EIF4B: variants seen among roughly 807,000 people sequenced by gnomAD.
EIF4B encodes the protein eukaryotic translation initiation factor 4B.
In EIF4B, 8 loss-of-function variants were observed where a neutral mutation model predicts 79.3. That is an observed-to-expected ratio of 0.10 (90% CI 0.06 to 0.18). The LOEUF is 0.18. Among genes scored for constraint, EIF4B ranks in the 10% least tolerant of loss-of-function variants. The pLI is 1.00. For synonymous variants in EIF4B, 238 were observed against 274.7 expected (o/e 0.87, Z 1.32); for missense variants, 515 against 792.4 (o/e 0.65, Z 4.20).
intron 6 of EIF4B, chr12:53,025,302 C>T (rs1943315723): frequency 1.1e-5 from 5 of 452,380 alleles, no homozygotes; most frequent in South Asian, 7.8e-5. Context: ...CATGACTTTT[C>T]TCACCTGAAA....
At chr12:53,007,520 T>G (rs1365638305) in intron 1 of EIF4B, among the ~76,000 whole-genome samples, 1 of 151,738 alleles carries the variant, frequency 6.6e-6, no homozygotes, top group Non-Finnish European at 1.5e-5. Flanking sequence ...GCTTACTTCT[T>G]TAGACAACCT....
intron 3 of EIF4B, among the ~76,000 whole-genome samples, chr12:53,019,439 T>TTTTTTTTG (rs1565586214): frequency 1.0e-5 from 1 of 97,952 alleles, no homozygotes; most frequent in Non-Finnish European, 1.7e-5. Context: ...ATATATATAT[T>TTTTTTTTG]TTTTTTTTTT....
intron 10 of EIF4B, among the ~76,000 whole-genome samples, chr12:53,035,898 A>C (rs1431080269): frequency 2.0e-5 from 3 of 151,100 alleles, no homozygotes; most frequent in Non-Finnish European, 4.4e-5. Context: ...GCTCACTGCA[A>C]CCTCTGACTC....
rs781714218 is a variant in EIF4B at position 53,027,834 on chromosome 12, G to T, written c.720G>T (p.Gly240=). 3 of 1,612,478 alleles carry T rather than the reference G, an allele frequency of 1.9e-6. No homozygotes were observed. The highest frequency in any genetic ancestry group is 2.5e-6 in the Non-Finnish European group (3 of 1,179,006). Residue 240 remains glycine, a synonymous_variant, in exon 7 of 15, where the codon GGG becomes GGT. Transcript: ENST00000262056. ...GGTATCGGGATGGGTATCGGGATGG[G>T]TATCGGGATGGCCCACGCCGGGATA... The part of the protein sequence containing the change: ...SDRYRDGYRD[G]YRDGPRRDMD...
intron 12 of EIF4B, chr12:53,038,816 C>CAA (rs58565330): frequency 4.4e-5 from 7 of 157,792 alleles, no homozygotes; most frequent in South Asian, 1.9e-4. Context: ...GACTCTGTCT[C>CAA]AAAAAAAAAA....
At chr12:53,031,744 A>G (rs532402104) in intron 8 of EIF4B, among the ~76,000 whole-genome samples, 1 of 152,338 alleles carries the variant, frequency 6.6e-6, no homozygotes, top group East Asian at 1.9e-4. Flanking sequence ...AGTACCCTCT[A>G]TCTACAGGTA....
In EIF4B at chr12:53,021,736, G is replaced by A. The variant is rs569049587; in HGVS notation, c.478-70G>A. On this transcript the variant is annotated intron_variant, in intron 4 of 14. Transcript: ENST00000262056. ...CCTAGTGCTTCTGCTATGCCCAGACGTTCAAGGTCACTCAAGGGATTTGTG... is the reference window on the plus strand; with the variant it reads ...CCTAGTGCTTCTGCTATGCCCAGACATTCAAGGTCACTCAAGGGATTTGTG... 1.2e-5 allele frequency: 19 copies of A among 1,574,474 alleles called. 1 individual carries two copies. Among genetic ancestry groups the A allele is most frequent in the South Asian group, 1.0e-4 (9 of 90,260 alleles).
At chr12:53,038,304 T>C (rs7968918) in intron 11 of EIF4B, 52 bp from the exon 12 acceptor site, 1,355,416 of 1,509,054 alleles carry the variant, frequency 0.9, 614,617 homozygotes, top group Non-Finnish European at 0.93. Flanking sequence ...TGTTTCTTGG[T>C]TGTTTTCTCC....
At chr12:53,029,579 T>C (rs780728049) in intron 8 of EIF4B, among the ~76,000 whole-genome samples, 3 of 152,126 alleles carry the variant, frequency 2.0e-5, no homozygotes, top group Non-Finnish European at 4.4e-5. Flanking sequence ...TTTCACCATG[T>C]TGGCCAGGCT....
chr12:53,034,542 G>C (rs1943504175), intron 9 of EIF4B, 70 bp from the exon 10 acceptor site: 1 of 1,412,238 alleles, frequency 7.1e-7, no homozygotes, highest in Non-Finnish European at 1.0e-6. Context: ...GTTCTTGAGG[G>C]GTCAGCATGG....
At chr12:53,034,954 CTCTTTTT>C (rs1166269821) in intron 10 of EIF4B, among the ~76,000 whole-genome samples, 1 of 104,348 alleles carries the variant, frequency 9.6e-6, no homozygotes, top group Non-Finnish European at 2.0e-5. Flanking sequence ...GTTTGTCTCT[CTCTTTTT>C]TTTTTTTTTT....
intron 10 of EIF4B, among the ~76,000 whole-genome samples, chr12:53,035,987 T>TTTTGTATTTTTAATAGAGACGCAGA (rs141046894): frequency 0.81 from 121,407 of 150,742 alleles, 50,999 homozygotes; most frequent in Non-Finnish European, 0.93. Context: ...CCGACTAATT[T>TTTTGTATTTTTAATAGAGACGCAGA]TTTGAACGGG....
intron 3 of EIF4B, among the ~76,000 whole-genome samples, chr12:53,019,444 TTTTTTC>T (rs1943207609): frequency 9.8e-6 from 1 of 102,032 alleles, no homozygotes; most frequent in Non-Finnish European, 1.9e-5. Flanking sequence ...TATATTTTTT[TTTTTTC>T]TTTTTTTTTT....
chr12:53,040,063 A>G, intron 14 of EIF4B, 80 bp from the exon 15 acceptor site: 4 of 1,523,114 alleles, frequency 2.6e-6, no homozygotes, highest in South Asian at 2.3e-5. Flanking sequence ...CCCATTGCCA[A>G]AGGATCAGTA....
rs947103309 is a variant in EIF4B at position 53,006,867 on chromosome 12, C to T, written c.13+371C>T. Among the ~76,000 whole-genome samples, 3 of 151,430 alleles carry T rather than the reference C, an allele frequency of 2.0e-5. No homozygotes were observed. In the South Asian group the frequency reaches 6.3e-4, roughly 32 times the overall value. On this transcript the variant is annotated intron_variant, in intron 1 of 14. Transcript: ENST00000262056. Reference sequence around the variant, plus strand: ...CGTGGAGGAAGGAAGGAGGCGGTTGCTGCGCGGACGAGTGCACATTAGACT... The same window carrying T: ...CGTGGAGGAAGGAAGGAGGCGGTTGTTGCGCGGACGAGTGCACATTAGACT...
At chr12:53,032,232 G>A (rs542177501) in intron 8 of EIF4B, among the ~76,000 whole-genome samples, 6 of 152,158 alleles carry the variant, frequency 3.9e-5, no homozygotes, top group African/African-American at 9.6e-5. Context: ...ACTTGAGGTC[G>A]GGAGTTCAAG....
At chr12:53,033,736 A>C (rs1212799509) in intron 8 of EIF4B, 70 bp from the exon 9 acceptor site, 6 of 1,477,452 alleles carry the variant, frequency 4.1e-6, no homozygotes, top group Non-Finnish European at 5.5e-6. Context: ...GTTATATCTG[A>C]GAAATCTGGC....
intron 5 of EIF4B, 84 bp from the exon 6 acceptor site, chr12:53,022,409 A>G: frequency 1.3e-6 from 2 of 1,579,478 alleles, no homozygotes; most frequent in African/African-American, 1.4e-5. Context: ...AAAATAGGGT[A>G]AAATGGGGGT....
chr12:53,034,292 C>A (rs1488426640), intron 9 of EIF4B, among the ~76,000 whole-genome samples: 1 of 152,108 alleles, frequency 6.6e-6, no homozygotes, highest in Admixed American at 6.6e-5. Context: ...GGCTAGAGAC[C>A]TACTATAATA....
Sources: allele counts gnomAD v4.1 joint callset (sites outside exome capture counted in the v4.1 genomes callset), GRCh38; gene constraint gnomAD v4.1.1; transcripts MANE v1.5; gene names NCBI Gene and HGNC (gene_info 2026-07-23, HGNC 2026-07-21).